The following RFX4 variants were observed in gnomAD, a reference collection of about 807,000 sequenced individuals.
RFX4 encodes the protein transcription factor RFX4.
RFX4 carries 10 observed loss-of-function variants against 95.0 expected under a neutral mutation model. The ratio of observed to expected loss-of-function variants is 0.11; its 90% CI spans 0.06 to 0.18. The LOEUF is 0.18. Among genes scored for constraint, RFX4 ranks in the 10% least tolerant of loss-of-function variants. The pLI, the probability that RFX4 is intolerant of heterozygous loss-of-function variation, is 1.00. For synonymous variants in RFX4, 321 were observed against 340.7 expected (o/e 0.94, Z 0.64); for missense variants, 640 against 922.0 (o/e 0.69, Z 3.96).
intron 11 of RFX4, among the ~76,000 whole-genome samples, chr12:106,717,345 G>A (rs1207531784): frequency 2.0e-5 from 3 of 152,202 alleles, no homozygotes. Context: ...CATGAGGGAC[G>A]AAAATGTGAA....
chr12:106,727,108 A>G lies in RFX4; in HGVS notation c.1352-5022A>G, dbSNP rs112700488. ...TTTCCATAGGTGAAAAAAATTCTAA[A>G]TAAAACACTAGCAGATCAAATTTAG... On this transcript the variant is annotated intron_variant, in intron 13 of 17. Transcript: ENST00000392842. Among the ~76,000 whole-genome samples the G allele has an allele frequency of 8.3e-3, 1,262 of 152,292 alleles. 24 individuals carry two copies. The highest frequency in any genetic ancestry group is 0.029 in the African/African-American group (1,206 of 41,556).
At chr12:106,644,576 T>C (rs1004064351) in intron 3 of RFX4, among the ~76,000 whole-genome samples, 2 of 152,154 alleles carry the variant, frequency 1.3e-5, no homozygotes, top group African/African-American at 2.4e-5. Context: ...TCAAATCTCA[T>C]CTTTGCCATT....
At chr12:106,678,792 A>G (rs1432251796) in intron 4 of RFX4, among the ~76,000 whole-genome samples, 1 of 152,098 alleles carries the variant, frequency 6.6e-6, no homozygotes, top group African/African-American at 2.4e-5. Flanking sequence ...CATTATAAGC[A>G]TTTTCTGTGT....
intron 7 of RFX4, among the ~76,000 whole-genome samples, chr12:106,693,700 C>G (rs867964660): frequency 1.1e-4 from 17 of 152,320 alleles, no homozygotes; most frequent in Middle Eastern, 3.4e-3. Flanking sequence ...CGCTAATAGT[C>G]AGCCACCGGG....
At chr12:106,742,466 C>T (rs1038936846) in intron 15 of RFX4, among the ~76,000 whole-genome samples, 1 of 152,108 alleles carries the variant, frequency 6.6e-6, no homozygotes, top group East Asian at 1.9e-4. Context: ...TATAGGCATG[C>T]GACACTGCGC....
chr12:106,599,220 C>T (rs967795067), intron 1 of RFX4, among the ~76,000 whole-genome samples: 1 of 151,194 alleles, frequency 6.6e-6, no homozygotes, highest in Non-Finnish European at 1.5e-5. Context: ...AGGCAATGAC[C>T]CTTAGTTAAT....
Position 106,660,151 on chromosome 12 carries a change from C to T in RFX4, c.315+5800C>T, listed in dbSNP as rs557950194. Among the ~76,000 whole-genome samples, 6 of 152,094 alleles carry T rather than the reference C, an allele frequency of 3.9e-5. No homozygotes were observed. The South Asian group carries it at 6.2e-4, about 16-fold the overall frequency. ...TCTCATGTCTGTGTGGACCCAGCCC[C>T]GTGCTGGAAGATGGGATACAGAGTG... On this transcript the variant is annotated intron_variant, in intron 4 of 17. Transcript: ENST00000392842.
chr12:106,655,530 G>A (rs535364044), intron 4 of RFX4, among the ~76,000 whole-genome samples: 7 of 152,176 alleles, frequency 4.6e-5, no homozygotes, highest in Non-Finnish European at 8.8e-5. Flanking sequence ...GTGGGAGAAG[G>A]GAGAGCACAC....
At chr12:106,591,758 T>C (rs893613262) in intron 1 of RFX4, among the ~76,000 whole-genome samples, 1 of 152,178 alleles carries the variant, frequency 6.6e-6, no homozygotes, top group African/African-American at 2.4e-5. Flanking sequence ...GGAAGAATAA[T>C]AGAATGAAGC....
intron 2 of RFX4, among the ~76,000 whole-genome samples, chr12:106,614,610 G>A (rs879403943): frequency 5.3e-5 from 8 of 151,456 alleles, no homozygotes; most frequent in South Asian, 2.1e-4. Context: ...CTGGGTTCAC[G>A]CCATTCTCCT....
chr12:106,759,142 T>C (rs753925992), intron 17 of RFX4, among the ~76,000 whole-genome samples: 1 of 152,144 alleles, frequency 6.6e-6, no homozygotes, highest in Non-Finnish European at 1.5e-5. Context: ...CTGGGGTGTT[T>C]AGGTTCTTGA....
chr12:106,674,107 C>G (rs2041344639), intron 4 of RFX4, among the ~76,000 whole-genome samples: 1 of 152,228 alleles, frequency 6.6e-6, no homozygotes, highest in African/African-American at 2.4e-5. Context: ...CACTCCCTCG[C>G]CCACTGGCTC....
intron 15 of RFX4, among the ~76,000 whole-genome samples, chr12:106,734,455 GCA>G (rs2042672254): frequency 6.6e-6 from 1 of 151,938 alleles, no homozygotes; most frequent in Non-Finnish European, 1.5e-5. Context: ...AATTAGCCGG[GCA>G]TGGTAGCACA....
rs575024790 is a variant in RFX4 at position 106,726,874 on chromosome 12, C to T, written c.1352-5256C>T. ...GCAACCTCCGCCTCCTGGGTTGAAG[C>T]GATTCTCATGCCTCAGCCTCCCAAG... On this transcript the variant is annotated intron_variant, in intron 13 of 17. Coordinates refer to ENST00000392842, the MANE Select transcript of RFX4 (RefSeq NM_213594.3). 5.9e-4 allele frequency among the ~76,000 whole-genome samples: 90 copies of T among 152,206 alleles called. 1 individual carries two copies. The highest frequency in any genetic ancestry group is 1.9e-3 in the African/African-American group (79 of 41,534).
chr12:106,603,291 C>G (rs1300594327), intron 1 of RFX4, among the ~76,000 whole-genome samples: 5 of 152,210 alleles, frequency 3.3e-5, no homozygotes, highest in African/African-American at 9.6e-5. Flanking sequence ...CTGGGTTATT[C>G]TTTGCTGCTG....
At chr12:106,662,749 T>A (rs963612167) in intron 4 of RFX4, among the ~76,000 whole-genome samples, 1 of 152,088 alleles carries the variant, frequency 6.6e-6, no homozygotes, top group East Asian at 1.9e-4. Flanking sequence ...GGGTATAAGG[T>A]CTGTATCTAG....
intron 6 of RFX4, 98 bp downstream of exon 6, chr12:106,687,195 C>A (rs2041677886): frequency 3.0e-6 from 2 of 661,396 alleles, no homozygotes; most frequent in Non-Finnish European, 5.1e-6. Context: ...CACACACACA[C>A]ACACACACAC....
chr12:106,604,533 C>A (rs1161201903), intron 1 of RFX4, among the ~76,000 whole-genome samples: 2 of 148,486 alleles, frequency 1.3e-5, no homozygotes, highest in Non-Finnish European at 3.0e-5. Context: ...CTTTTCCATG[C>A]CTTATGTGGT....
rs952133799 is a variant in RFX4 at position 106,684,105 on chromosome 12, G to A, written c.377+2051G>A. On this transcript the variant is annotated intron_variant, in intron 5 of 17. Coordinates refer to ENST00000392842, the MANE Select transcript of RFX4 (RefSeq NM_213594.3). ...GGGTGGGCCAGGTGCAGTGGCTCAC[G>A]CCTGTAATCCCAGCACTTTGGGAGG... is the stretch of plus-strand genomic sequence containing the variant. Among the ~76,000 whole-genome samples the A allele has an allele frequency of 4.6e-5, 7 of 152,278 alleles. 1 individual carries two copies. In the South Asian group the frequency reaches 1.0e-3, roughly 23 times the overall value.
Sources: gnomAD v4.1 joint callset for allele counts (sites outside exome capture counted in the v4.1 genomes callset) on GRCh38, gnomAD v4.1.1 for gene constraint, MANE v1.5 for transcripts, NCBI Gene and HGNC (gene_info 2026-07-23, HGNC 2026-07-21) for gene names.